RCOR1: variants seen among roughly 807,000 people sequenced by gnomAD.
RCOR1 encodes the protein REST corepressor 1, also known as REST corepressor.
A neutral mutation model predicts 64.0 loss-of-function variants in RCOR1; 12 were observed. The observed-to-expected ratio is 0.19, with a 90% CI of 0.12 to 0.30. RCOR1 has a LOEUF of 0.30. Ranked by LOEUF, RCOR1 falls within the 10% of genes least tolerant of loss-of-function variation. The probability of loss-of-function intolerance (pLI) is 1.00; values close to 1 mark genes in which losing one functional copy is unlikely to be tolerated. For synonymous variants in RCOR1, 279 were observed against 227.2 expected, an observed-to-expected ratio of 1.23 and a Z score of -2.05; for missense variants, 502 against 621.2, an observed-to-expected ratio of 0.81 and a Z score of 2.04.
At chr14:102,621,966 G>A (rs1330284764) in intron 2 of RCOR1, among the ~76,000 whole-genome samples, 2 of 152,138 alleles carry the variant, frequency 1.3e-5, no homozygotes, top group Non-Finnish European at 2.9e-5. Flanking sequence ...AAAAGATCTT[G>A]AAATTCCTCC....
At chr14:102,619,757 A>C (rs941316399) in intron 2 of RCOR1, among the ~76,000 whole-genome samples, 2 of 152,244 alleles carry the variant, frequency 1.3e-5, no homozygotes, top group South Asian at 2.1e-4. Flanking sequence ...CTGGGATTAC[A>C]TGCGTGAGCC....
intron 3 of RCOR1, among the ~76,000 whole-genome samples, chr14:102,700,159 T>A (rs577261810): frequency 2.8e-4 from 43 of 152,302 alleles, no homozygotes; most frequent in South Asian, 1.2e-3. Flanking sequence ...CTAGACATGT[T>A]GTTTAAAGTA....
intron 2 of RCOR1, among the ~76,000 whole-genome samples, chr14:102,597,913 C>G (rs903258078): frequency 2.7e-5 from 4 of 150,164 alleles, no homozygotes; most frequent in African/African-American, 5.0e-5. Context: ...ACCTCCACCT[C>G]TCAGGTTCAA....
intron 11 of RCOR1, among the ~76,000 whole-genome samples, chr14:102,724,826 G>T (rs1447748575): frequency 6.6e-6 from 1 of 152,150 alleles, no homozygotes; most frequent in African/African-American, 2.4e-5. Flanking sequence ...CACAGAACTT[G>T]GGGTGTGTGT....
At chr14:102,674,254 G>A (rs1181210804) in intron 2 of RCOR1, among the ~76,000 whole-genome samples, 1 of 152,134 alleles carries the variant, frequency 6.6e-6, no homozygotes, top group East Asian at 1.9e-4. Context: ...GATTATAGAT[G>A]TTAACCATAT....
At chr14:102,607,738 C>G (rs145923482) in intron 2 of RCOR1, among the ~76,000 whole-genome samples, 4 of 152,100 alleles carry the variant, frequency 2.6e-5, no homozygotes, top group African/African-American at 9.7e-5. Flanking sequence ...AAAAATTAGC[C>G]GGGTGTGGTG....
chr14:102,638,917 C>A (rs949911483), intron 2 of RCOR1, among the ~76,000 whole-genome samples: 1 of 152,208 alleles, frequency 6.6e-6, no homozygotes, highest in African/African-American at 2.4e-5. Context: ...CCTGCCTCAG[C>A]CTCTGAAAGT....
At chr14:102,715,457 C>CTG (rs1440836421) in intron 8 of RCOR1, among the ~76,000 whole-genome samples, 1 of 152,092 alleles carries the variant, frequency 6.6e-6, no homozygotes, top group Non-Finnish European at 1.5e-5. Flanking sequence ...TCTTGGCTCA[C>CTG]TGTAACCTTT....
At chr14:102,718,664 G>A (rs1307991411) in intron 8 of RCOR1, among the ~76,000 whole-genome samples, 5 of 152,086 alleles carry the variant, frequency 3.3e-5, no homozygotes, top group Non-Finnish European at 7.4e-5. Flanking sequence ...CTTTAAGTGT[G>A]ATTACCTTTG....
At chr14:102,680,272 G>C (rs1438385983) in intron 2 of RCOR1, among the ~76,000 whole-genome samples, 1 of 151,612 alleles carries the variant, frequency 6.6e-6, no homozygotes, top group Non-Finnish European at 1.5e-5. Context: ...GTACCATTTT[G>C]TAGATTCTAC....
At chr14:102,653,979 CTTTCTTTTTTTTTTT>C (rs1894662661) in intron 2 of RCOR1, among the ~76,000 whole-genome samples, 1 of 22,088 alleles carries the variant, frequency 4.5e-5, no homozygotes. Flanking sequence ...TTCTTTCTTT[CTTTCTTTTTTTTTTT>C]TTTTTTTTTG....
chr14:102,724,860 G>A (rs1185689576), intron 11 of RCOR1, among the ~76,000 whole-genome samples: 1 of 152,126 alleles, frequency 6.6e-6, no homozygotes, highest in Admixed American at 6.5e-5. Context: ...TATTTGTCCT[G>A]TAGAGTCCAA....
chr14:102,721,431 C>T, intron 10 of RCOR1, 54 bp downstream of exon 10: 1 of 1,326,958 alleles, frequency 7.5e-7, no homozygotes, highest in Admixed American at 1.7e-5. Flanking sequence ...TGGCTCACAC[C>T]TGTAATCCCA....
intron 1 of RCOR1, 21 bp downstream of exon 1, chr14:102,593,208 C>T: frequency 6.8e-7 from 1 of 1,473,528 alleles, no homozygotes; most frequent in South Asian, 1.3e-5. Flanking sequence ...GCCGCCCCCG[C>T]GGCCCCGGGC....
chr14:102,639,472 C>A (rs1894315829), intron 2 of RCOR1, among the ~76,000 whole-genome samples: 1 of 150,006 alleles, frequency 6.7e-6, no homozygotes, highest in Non-Finnish European at 1.5e-5. Context: ...ATCAGCATGT[C>A]TGGCTAATTA....
At chr14:102,668,715 A>G (rs1372324715) in intron 2 of RCOR1, among the ~76,000 whole-genome samples, 1 of 151,964 alleles carries the variant, frequency 6.6e-6, no homozygotes, top group Admixed American at 6.6e-5. Context: ...TTTTTTTTAA[A>G]TGTTTCTGTT....
chr14:102,714,499 A>G lies in RCOR1; in HGVS notation c.935A>G (p.Lys312Arg). 1.2e-6 allele frequency: 2 copies of G among 1,614,030 alleles called. No homozygotes were observed. The highest frequency in any genetic ancestry group is 1.7e-6 in the Non-Finnish European group (2 of 1,179,930). ...CAAGCTAAAAATAGAGCAAAAAGGA[A>G]ACCTCCAAAAGGAATGTTTCTTTCT... The part of the protein sequence containing the change: ...STQAKNRAKR[K>R]PPKGMFLSQE... Residue 312 changes from lysine to arginine, a missense_variant, in exon 8 of 12, where the codon AAA becomes AGA. Transcript: ENST00000262241.
chr14:102,717,701 T>G (rs1896093410), intron 8 of RCOR1, among the ~76,000 whole-genome samples: 1 of 152,158 alleles, frequency 6.6e-6, no homozygotes. Context: ...CTGTTTAATA[T>G]ATTGAGAAAA....
At chr14:102,633,647 C>A (rs534146612) in intron 2 of RCOR1, among the ~76,000 whole-genome samples, 15 of 152,280 alleles carry the variant, frequency 9.9e-5, no homozygotes, top group African/African-American at 3.4e-4. Flanking sequence ...TGAAGCGATT[C>A]TCCTGTCTCA....
Sources: gnomAD v4.1 joint callset for allele counts (sites outside exome capture counted in the v4.1 genomes callset) on GRCh38, gnomAD v4.1.1 for gene constraint, MANE v1.5 for transcripts, NCBI Gene and HGNC (gene_info 2026-07-23, HGNC 2026-07-21) for gene names.